Variants in KREMEN1 observed in about 807,000 individuals in gnomAD.
KREMEN1 encodes the protein kremen protein 1.
Under a neutral mutation model 46.5 loss-of-function variants are expected in KREMEN1, and 30 were observed. The ratio of observed to expected loss-of-function variants is 0.65; its 90% CI spans 0.48 to 0.88. The LOEUF is 0.88. Among genes scored for constraint, KREMEN1 ranks in the 40% least tolerant of loss-of-function variants. The probability of loss-of-function intolerance (pLI) is 0.00; values close to 1 mark genes in which losing one functional copy is unlikely to be tolerated. For synonymous variants in KREMEN1, 214 were observed against 230.6 expected (o/e 0.93, Z 0.65); for missense variants, 533 against 596.9 (o/e 0.89, Z 1.11).
intron 3 of KREMEN1, 41 bp from the exon 4 acceptor site, chr22:29,121,316 C>G: frequency 6.2e-7 from 1 of 1,609,942 alleles, no homozygotes; most frequent in Non-Finnish European, 8.5e-7. Flanking sequence ...TGTTTCACAG[C>G]CAGATGTTGC....
At chr22:29,163,025 T>A (rs1283410108) in intron 9 of KREMEN1, among the ~76,000 whole-genome samples, 4 of 152,130 alleles carry the variant, frequency 2.6e-5, no homozygotes, top group African/African-American at 9.7e-5. Flanking sequence ...CTGATATGGT[T>A]TGGCTCTGTG....
chr22:29,161,316 G>A (rs1028355129), intron 9 of KREMEN1, among the ~76,000 whole-genome samples: 1 of 151,726 alleles, frequency 6.6e-6, no homozygotes, highest in Non-Finnish European at 1.5e-5. Flanking sequence ...GACCATCCTG[G>A]CTAACATGAT....
At chr22:29,136,606 C>T (rs1340777676) in intron 5 of KREMEN1, among the ~76,000 whole-genome samples, 5 of 151,570 alleles carry the variant, frequency 3.3e-5, no homozygotes. Context: ...CCTAGCCCTA[C>T]ATTCCCTCCC....
At position 29,096,681 on chromosome 22, in the gene KREMEN1, A is replaced by C. The variant is rs115614385; in HGVS notation, c.261-2181A>C. 3.4e-3 allele frequency among the ~76,000 whole-genome samples: 520 copies of C among 152,334 alleles called. 1 individual carries two copies. The highest frequency in any genetic ancestry group is 0.017 in the Middle Eastern group (5 of 294). On this transcript the variant is annotated intron_variant, in intron 2 of 8. Coordinates refer to ENST00000400335, the MANE Select transcript of KREMEN1 (RefSeq NM_001039570.3). ...GGCCTTTTGTTTTAGCACTGCAGCAAAGTCAAGGATGAATTTGCTTGTTCT... is the reference window on the plus strand; with the variant it reads ...GGCCTTTTGTTTTAGCACTGCAGCACAGTCAAGGATGAATTTGCTTGTTCT...
Position 29,114,325 on chromosome 22 carries a change from A to G in KREMEN1, c.353-7032A>G, listed in dbSNP as rs1267451509. Among the ~76,000 whole-genome samples the G allele has an allele frequency of 2.0e-5, 3 of 151,914 alleles. No individual in the cohort carries two copies. In the East Asian group the frequency reaches 5.8e-4, roughly 29 times the overall value. On this transcript the variant is annotated intron_variant, in intron 3 of 8. Transcript: ENST00000400335. ...ATGGTGAAACCCCATCTCTACTAAA[A>G]ATACAAAAAAATTAGCTAGGCATGG...
At chr22:29,154,502 G>A (rs935281349) in intron 9 of KREMEN1, 1 of 152,256 alleles carries the variant, frequency 6.6e-6, no homozygotes, top group African/African-American at 2.4e-5. Flanking sequence ...TGGCCCAGCT[G>A]GCAGAGGTAA....
In KREMEN1 at chr22:29,087,629, G is replaced by A. The variant is rs113395188; in HGVS notation, c.98-6629G>A. Among the ~76,000 whole-genome samples, 689 of 151,844 alleles carry A rather than the reference G, an allele frequency of 4.5e-3. 3 individuals carry two copies. Among genetic ancestry groups the A allele is most frequent in the Middle Eastern group, 0.017 (5 of 294 alleles). On this transcript the variant is annotated intron_variant, in intron 1 of 8. Transcript: ENST00000400335. ...TGCCCAGGCCAGAGTGCAATGGTGC[G>A]ATCTTGGCTCACTGCAACCTCCGCC...
rs1601813046 is a variant in KREMEN1, at chr22:29,142,473, T to G, written c.*361T>G. 9.8e-7 allele frequency: 1 copy of G among 1,024,752 alleles called. No individual in the cohort carries two copies. Among genetic ancestry groups the G allele is most frequent in the South Asian group, 4.6e-5 (1 of 21,684 alleles). 63.5% of individuals were successfully genotyped at this position (1,024,752 alleles called of 1,614,324 possible). ...AGGTACATTCTAGATGGCTGTCAGGTGGTGGGTAGCTTTAGTTACATTGAA... is the reference window on the plus strand; with the variant it reads ...AGGTACATTCTAGATGGCTGTCAGGGGGTGGGTAGCTTTAGTTACATTGAA... On this transcript the variant is annotated 3_prime_UTR_variant, in exon 9 of 9. Coordinates refer to ENST00000400335, the MANE Select transcript of KREMEN1 (RefSeq NM_001039570.3).
rs1556000676 is a variant in KREMEN1 at position 29,078,494 on chromosome 22, A to AAG, written c.97+5268_97+5269insGA. Among the ~76,000 whole-genome samples, 1,262 of 147,488 alleles carry AAG rather than the reference A, an allele frequency of 8.6e-3. 7 individuals are homozygous for AAG. Among genetic ancestry groups the AAG allele is most frequent in the South Asian group, 0.012 (58 of 4,708 alleles). On this transcript the variant is annotated intron_variant, in intron 1 of 8. Coordinates refer to ENST00000400335, the MANE Select transcript of KREMEN1 (RefSeq NM_001039570.3). ...GAAAAACAGCCAGGAAAAAAAAAAA[A>AAG]AAGAAGAAGAAGAAGAAAACAAACT...
intron 1 of KREMEN1, among the ~76,000 whole-genome samples, chr22:29,089,112 G>T (rs545903144): frequency 6.6e-6 from 1 of 152,278 alleles, no homozygotes; most frequent in South Asian, 2.1e-4. Context: ...CTCTCTACAC[G>T]TAAGTGCTGG....
intron 5 of KREMEN1, among the ~76,000 whole-genome samples, chr22:29,128,436 A>G (rs1329307760): frequency 6.6e-6 from 1 of 152,214 alleles, no homozygotes; most frequent in African/African-American, 2.4e-5. Flanking sequence ...TCTTTGAATT[A>G]GTACATTTTT....
chr22:29,153,853 C>T (rs1380996433), intron 9 of KREMEN1, among the ~76,000 whole-genome samples: 1 of 151,918 alleles, frequency 6.6e-6, no homozygotes, highest in African/African-American at 2.4e-5. Context: ...CGTGCTACTC[C>T]CTAGCTACTC....
intron 1 of KREMEN1, among the ~76,000 whole-genome samples, chr22:29,078,944 G>C (rs987742892): frequency 2.0e-5 from 3 of 152,188 alleles, no homozygotes; most frequent in Non-Finnish European, 4.4e-5. Flanking sequence ...TATTCAGTTT[G>C]ACCTTGAGAA....
chr22:29,131,560 A>ATATATGTGTG (rs1240832937), intron 5 of KREMEN1, among the ~76,000 whole-genome samples: 27 of 69,918 alleles, frequency 3.9e-4, no homozygotes, highest in African/African-American at 1.7e-3. Context: ...ATATATATAT[A>ATATATGTGTG]TGTGTGTGTG....
At chr22:29,118,680 T>A (rs1489968263) in intron 3 of KREMEN1, among the ~76,000 whole-genome samples, 2 of 151,850 alleles carry the variant, frequency 1.3e-5, no homozygotes, top group East Asian at 3.9e-4. Flanking sequence ...CCTAATTACC[T>A]CCCAAAGGCC....
At chr22:29,146,862 A>G, downstream of KREMEN1, 1 of 887,886 alleles carries the variant, frequency 1.1e-6, no homozygotes, top group Non-Finnish European at 1.4e-6. Context: ...AGTTCCCCAG[A>G]GAGCGTGGGA....
chr22:29,118,139 T>C (rs540869444), intron 3 of KREMEN1, among the ~76,000 whole-genome samples: 27 of 152,230 alleles, frequency 1.8e-4, no homozygotes, highest in Admixed American at 7.2e-4. Context: ...ATTCTTTTTC[T>C]TGTGGGATGT....
intron 3 of KREMEN1, among the ~76,000 whole-genome samples, chr22:29,104,338 G>A (rs1468088787): frequency 6.6e-6 from 1 of 151,758 alleles, no homozygotes; most frequent in Non-Finnish European, 1.5e-5. Context: ...TGTATTTTTT[G>A]TAGAGACAGG....
chr22:29,144,134 G>A lies in KREMEN1; in HGVS notation c.*2022G>A. ...GCCTCTCCACAAGGCACTTGGGCCT[G>A]GGTGATTGTTGCGCCTCTGGCTTTG... On this transcript the variant is annotated 3_prime_UTR_variant, in exon 9 of 9. Coordinates refer to ENST00000400335, the MANE Select transcript of KREMEN1 (RefSeq NM_001039570.3). 7.1e-6 allele frequency: 7 copies of A among 985,588 alleles called. No homozygotes were observed. Among genetic ancestry groups the A allele is most frequent in the Admixed American group, 6.1e-5 (1 of 16,294 alleles). 61.1% of individuals were successfully genotyped at this position (985,588 alleles called of 1,614,324 possible).
Sources: allele counts gnomAD v4.1 joint callset (sites outside exome capture counted in the v4.1 genomes callset), GRCh38; gene constraint gnomAD v4.1.1; transcripts MANE v1.5; gene names NCBI Gene and HGNC (gene_info 2026-07-23, HGNC 2026-07-21).